TBL1Y: variants seen among roughly 807,000 people sequenced by gnomAD.
TBL1Y encodes F-box-like/WD repeat-containing protein TBL1Y.
In TBL1Y, 15 loss-of-function variants were observed where a neutral mutation model predicts 12.0. The ratio of observed to expected loss-of-function variants is 1.25; its 90% confidence interval spans 0.83 to 1.92. TBL1Y has a LOEUF of 1.92. TBL1Y is among the 40% of genes most tolerant of loss of function. The pLI, the probability that TBL1Y is intolerant of heterozygous loss-of-function variation, is 0.00. For synonymous variants in TBL1Y, 53 were observed against 42.6 expected (o/e 1.24, Z -0.95); for missense variants, 148 against 116.7 (o/e 1.27, Z -1.24).
chrY:6,990,267 C>T, intron 3 of TBL1Y, among the ~76,000 whole-genome samples: 4 of 33,001 alleles, frequency 1.2e-4, no homozygotes, highest in Admixed American at 8.4e-4. Context: ...GTGATTTTTC[C>T]AACCCAGAAT....
At chrY:6,921,493 T>C in intron 2 of TBL1Y, among the ~76,000 whole-genome samples, 1 of 33,329 alleles carries the variant, frequency 3.0e-5, no homozygotes, top group East Asian at 8.0e-4. Context: ...TTTTCCTATC[T>C]TGGTGGATGT....
chrY:7,063,390 G>A, intron 7 of TBL1Y, among the ~76,000 whole-genome samples: 5 of 33,418 alleles, frequency 1.5e-4, no homozygotes, highest in African/African-American at 5.9e-4. Context: ...TTCCGCAATT[G>A]GCTAGGGTTA....
chrY:7,010,930 CA>C (rs1479660635), intron 4 of TBL1Y, among the ~76,000 whole-genome samples: 1 of 24,985 alleles, frequency 4.0e-5, no homozygotes, highest in Non-Finnish European at 9.5e-5. Flanking sequence ...CACTGTGTCT[CA>C]AAAAAAAAAA....
chrY:6,998,627 A>G, intron 4 of TBL1Y, among the ~76,000 whole-genome samples: 3 of 32,454 alleles, frequency 9.2e-5, no homozygotes, highest in Admixed American at 8.5e-4. Context: ...TGAATCACAT[A>G]CCTATTTTTT....
At chrY:6,922,285 C>G (rs2011784665) in intron 2 of TBL1Y, among the ~76,000 whole-genome samples, 1 of 34,110 alleles carries the variant, frequency 2.9e-5, no homozygotes, top group Non-Finnish European at 7.3e-5. Context: ...TTCCATAGCA[C>G]CGAAGGGGAC....
intron 8 of TBL1Y, among the ~76,000 whole-genome samples, chrY:7,067,434 T>C (rs2012994257): frequency 3.0e-5 from 1 of 33,349 alleles, no homozygotes; most frequent in Non-Finnish European, 7.4e-5. Context: ...CAGTGTAGCC[T>C]GGGTGACACA....
chrY:6,939,404 A>G, intron 2 of TBL1Y, among the ~76,000 whole-genome samples: 1 of 33,516 alleles, frequency 3.0e-5, no homozygotes. Context: ...CAAGTTCTGC[A>G]AGTCCCCACC....
intron 7 of TBL1Y, among the ~76,000 whole-genome samples, chrY:7,046,067 G>A (rs2012756314): frequency 3.0e-5 from 1 of 32,897 alleles, no homozygotes; most frequent in East Asian, 8.0e-4. Context: ...CATAATTTTG[G>A]ATTTCCAGTC....
At chrY:7,026,718 C>T in intron 6 of TBL1Y, among the ~76,000 whole-genome samples, 1 of 33,727 alleles carries the variant, frequency 3.0e-5, no homozygotes, top group South Asian at 6.8e-4. Flanking sequence ...TTATTCAGTG[C>T]TTGTTTATGA....
chrY:6,954,456 C>T, intron 2 of TBL1Y, among the ~76,000 whole-genome samples: 2 of 34,189 alleles, frequency 5.8e-5, no homozygotes. Context: ...GCTCCATGGG[C>T]GTGGGACCCT....
intron 7 of TBL1Y, among the ~76,000 whole-genome samples, chrY:7,061,091 CTTTTTTTTTTTT>C (rs764930107): frequency 1.6e-4 from 1 of 6,203 alleles, no homozygotes; most frequent in African/African-American, 9.3e-4. Context: ...TACATTTTTG[CTTTTTTTTTTTT>C]TTTTTTTTTT....
intron 2 of TBL1Y, among the ~76,000 whole-genome samples, chrY:6,967,645 A>G: frequency 2.9e-5 from 1 of 33,983 alleles, no homozygotes; most frequent in African/African-American, 1.1e-4. Context: ...TTGGCCTCCC[A>G]AAGTGTTGGG....
At chrY:6,989,516 A>G in intron 3 of TBL1Y, among the ~76,000 whole-genome samples, 5 of 33,701 alleles carry the variant, frequency 1.5e-4, no homozygotes, top group African/African-American at 5.8e-4. Context: ...TCTAATGAGT[A>G]GAGGTGGGGC....
intron 2 of TBL1Y, among the ~76,000 whole-genome samples, chrY:6,965,157 C>G: frequency 3.1e-5 from 1 of 32,678 alleles, no homozygotes; most frequent in African/African-American, 1.2e-4. Context: ...TGTAATGTCA[C>G]AGGCATCTGA....
intron 2 of TBL1Y, among the ~76,000 whole-genome samples, chrY:6,963,272 G>C: frequency 3.0e-5 from 1 of 32,970 alleles, no homozygotes; most frequent in South Asian, 7.1e-4. Flanking sequence ...TTTAAGGCAA[G>C]GATAGAAACA....
chrY:7,033,309 C>T, intron 6 of TBL1Y, among the ~76,000 whole-genome samples: 1 of 33,206 alleles, frequency 3.0e-5, no homozygotes, highest in African/African-American at 1.2e-4. Context: ...CTGAATAGAT[C>T]GTAACAGGCT....
chrY:6,936,812 C>T (rs1259185253), intron 2 of TBL1Y, among the ~76,000 whole-genome samples: 1 of 32,987 alleles, frequency 3.0e-5, no homozygotes. Context: ...TGGTATGGAA[C>T]GGATTCCAGG....
intron 4 of TBL1Y, among the ~76,000 whole-genome samples, chrY:7,004,561 G>A: frequency 2.9e-5 from 1 of 34,139 alleles, no homozygotes; most frequent in South Asian, 6.6e-4. Context: ...AGTTAGCATA[G>A]TGTCCTTTAG....
intron 15 of TBL1Y, 145 bp from the exon 16 acceptor site, chrY:7,086,145 C>A: frequency 3.9e-6 from 1 of 258,354 alleles, no homozygotes. Context: ...GAATCCCAGC[C>A]TCCCCGCATC....
Sources: gnomAD v4.1 joint callset for allele counts (sites outside exome capture counted in the v4.1 genomes callset) on GRCh38, gnomAD v4.1.1 for gene constraint, MANE v1.5 for transcripts, NCBI Gene and HGNC (gene_info 2026-07-23, HGNC 2026-07-21) for gene names.